USP34: variants seen among roughly 807,000 people sequenced by gnomAD.
USP34 encodes ubiquitin carboxyl-terminal hydrolase 34.
Under a neutral mutation model 460.3 loss-of-function variants are expected in USP34, and 70 were observed. That is an observed-to-expected ratio of 0.15 (90% CI 0.13 to 0.19). The LOEUF is 0.19. USP34 is among the 10% of genes least tolerant of loss of function. USP34 has a pLI of 1.00. For synonymous variants in USP34, 1,647 were observed against 1,405.3 expected (o/e 1.17, Z -3.85); for missense variants, 3,985 against 4,236.2 (o/e 0.94, Z 1.65).
chr2:61,360,616 C>G (rs560023256), intron 10 of USP34, among the ~76,000 whole-genome samples: 1 of 152,248 alleles, frequency 6.6e-6, no homozygotes, highest in South Asian at 2.1e-4. Context: ...TCCATACCAC[C>G]CAAAATCTAC....
chr2:61,301,717 T>G (rs1184065768), intron 27 of USP34, among the ~76,000 whole-genome samples: 1 of 152,236 alleles, frequency 6.6e-6, no homozygotes, highest in Non-Finnish European at 1.5e-5. Flanking sequence ...TGCCCTTTCT[T>G]GAAAATAACA....
intron 10 of USP34, among the ~76,000 whole-genome samples, chr2:61,368,822 A>G (rs116724916): frequency 4.6e-5 from 7 of 152,170 alleles, no homozygotes; most frequent in Admixed American, 4.6e-4. Flanking sequence ...ACCAAGATAC[A>G]AAATCTACAG....
intron 6 of USP34, 77 bp downstream of exon 6, chr2:61,383,192 A>C: frequency 9.1e-7 from 1 of 1,102,544 alleles, no homozygotes; most frequent in Non-Finnish European, 1.3e-6. Flanking sequence ...GGACTTTCAA[A>C]CAATATAATT....
intron 74 of USP34, 69 bp from the exon 75 acceptor site, chr2:61,203,332 TA>T: frequency 7.5e-7 from 1 of 1,333,172 alleles, no homozygotes; most frequent in Non-Finnish European, 9.7e-7. Context: ...TGTGCAAATG[TA>T]ATAAGTTTAA....
intron 1 of USP34, among the ~76,000 whole-genome samples, chr2:61,428,118 T>C (rs1277355318): frequency 3.3e-5 from 5 of 150,718 alleles, no homozygotes; most frequent in Non-Finnish European, 7.4e-5. Context: ...TGAACCAAGA[T>C]TGCGCCACTG....
chr2:61,210,537 T>C lies in USP34; in HGVS notation c.8840+1235A>G, dbSNP rs904254077. Among the ~76,000 whole-genome samples, 9 of 152,284 alleles carry C rather than the reference T, an allele frequency of 5.9e-5. No homozygotes were observed. The Middle Eastern group carries it at 0.024, about 403-fold the overall frequency. On this transcript the variant is annotated intron_variant, in intron 69 of 79. Coordinates refer to ENST00000398571, the MANE Select transcript of USP34 (RefSeq NM_014709.4). ...CACAATGATGAAATAGGCTAAAAAT[T>C]TATTTCTCAGAATGTAACCCTGTTG...
At chr2:61,386,091 G>A (rs1312635587) in intron 5 of USP34, among the ~76,000 whole-genome samples, 1 of 151,962 alleles carries the variant, frequency 6.6e-6, no homozygotes, top group Non-Finnish European at 1.5e-5. Context: ...TAAGTCAGTA[G>A]GCAAAACAGC....
At chr2:61,294,202 C>T (rs966085587) in intron 32 of USP34, among the ~76,000 whole-genome samples, 3 of 151,662 alleles carry the variant, frequency 2.0e-5, no homozygotes, top group Admixed American at 6.6e-5. Context: ...AAAAATTAGC[C>T]GGGTGTGGTG....
chr2:61,249,116 A>C (rs776034688), intron 48 of USP34, among the ~76,000 whole-genome samples: 14 of 152,250 alleles, frequency 9.2e-5, no homozygotes, highest in Non-Finnish European at 1.6e-4. Flanking sequence ...CAATTCTAAC[A>C]ATACACTGTT....
chr2:61,417,400 A>G (rs1459207828), intron 2 of USP34: 1 of 491,446 alleles, frequency 2.0e-6, no homozygotes, highest in African/African-American at 1.9e-5. Flanking sequence ...TCTTACAGCC[A>G]AAGTTGTGAC....
At chr2:61,207,022 T>C in intron 70 of USP34, 136 bp from the exon 71 acceptor site, 1 of 874,640 alleles carries the variant, frequency 1.1e-6, no homozygotes, top group Non-Finnish European at 1.7e-6. Flanking sequence ...GCAAACGTAT[T>C]TGCTTTCTAT....
chr2:61,430,426 T>C (rs1197425767), intron 1 of USP34, among the ~76,000 whole-genome samples: 2 of 151,868 alleles, frequency 1.3e-5, no homozygotes, highest in African/African-American at 2.4e-5. Context: ...ATAAAATACA[T>C]TTAAAAATAA....
At chr2:61,236,509 C>T in intron 53 of USP34, 120 bp from the exon 54 acceptor site, 2 of 710,266 alleles carry the variant, frequency 2.8e-6, no homozygotes, top group Non-Finnish European at 4.5e-6. Flanking sequence ...AATCCATGCA[C>T]TTTAAGTTCA....
At position 61,281,241 on chromosome 2, in the gene USP34, G is replaced by C. The variant is rs935660601; in HGVS notation, c.5000C>G (p.Thr1667Ser). ...LKKLTLLIPE[T>S]AVRHESCSGL... ...ACTGCATGATTCATGACGAACTGCAGTCTAGATGAAAAAGAAAGTTCCACA... is the reference window on the plus strand; with the variant it reads ...ACTGCATGATTCATGACGAACTGCACTCTAGATGAAAAAGAAAGTTCCACA... Residue 1667 changes from threonine to serine, a missense_variant and splice_region_variant, in exon 38 of 80, where the codon ACT becomes AGT. Around this residue, in one of 14 missense-constraint regions of USP34, gnomAD observed 1,114 missense variants for 1,122.5 expected, o/e 0.99. Coordinates refer to ENST00000398571, the MANE Select transcript of USP34 (RefSeq NM_014709.4). The C allele has an allele frequency of 1.9e-6, 3 of 1,606,698 alleles. No homozygotes were observed. In the African/African-American group the frequency reaches 4.0e-5, roughly 22 times the overall value.
intron 53 of USP34, among the ~76,000 whole-genome samples, chr2:61,237,848 G>C (rs1025346553): frequency 6.6e-6 from 1 of 151,230 alleles, no homozygotes; most frequent in Admixed American, 6.6e-5. Context: ...TAGATTACAG[G>C]TGTAATCTCA....
At chr2:61,415,460 T>C (rs1161983587) in intron 2 of USP34, among the ~76,000 whole-genome samples, 1 of 152,150 alleles carries the variant, frequency 6.6e-6, no homozygotes, top group Non-Finnish European at 1.5e-5. Context: ...ACCCTAAGAA[T>C]TGATGTAACT....
intron 10 of USP34, among the ~76,000 whole-genome samples, chr2:61,357,134 A>C (rs1692132276): frequency 6.6e-6 from 1 of 152,346 alleles, no homozygotes; most frequent in East Asian, 1.9e-4. Context: ...ACAGCAGCAG[A>C]AAACACATTT....
At chr2:61,460,248 A>G (rs559762668) in intron 1 of USP34, among the ~76,000 whole-genome samples, 7 of 152,318 alleles carry the variant, frequency 4.6e-5, no homozygotes, top group African/African-American at 1.7e-4. Context: ...TAAACAATTC[A>G]TAAGTTTTAA....
intron 76 of USP34, among the ~76,000 whole-genome samples, chr2:61,191,572 G>T (rs988728239): frequency 3.3e-5 from 5 of 152,154 alleles, no homozygotes; most frequent in African/African-American, 1.2e-4. Flanking sequence ...CTCTGCCTCT[G>T]TTTCTTGCTC....
Sources: gnomAD v4.1 joint callset for allele counts (sites outside exome capture counted in the v4.1 genomes callset) on GRCh38, gnomAD v4.1.1 for gene constraint, gnomAD v4.1.1 regional missense constraint, MANE v1.5 for transcripts, NCBI Gene and HGNC (gene_info 2026-07-23, HGNC 2026-07-21) for gene names.